The following ALDH1A2 variants were observed in gnomAD, a reference collection of about 807,000 sequenced individuals.
ALDH1A2 encodes retinal dehydrogenase 2.
In ALDH1A2, 27 loss-of-function variants were observed where a neutral mutation model predicts 60.3. That is an observed-to-expected ratio of 0.45 (90% CI 0.33 to 0.62). ALDH1A2 has a LOEUF of 0.62. Ranked by LOEUF, ALDH1A2 falls within the 20% of genes least tolerant of loss-of-function variation. ALDH1A2 has a pLI of 0.02. For missense variants in ALDH1A2, 581 were observed against 643.8 expected (o/e 0.90, Z 1.06); for synonymous variants, 289 against 232.4 (o/e 1.24, Z -2.21).
At chr15:57,964,109 G>C (rs1737137108) in intron 8 of ALDH1A2, 40 bp from the exon 9 acceptor site, 6 of 1,611,540 alleles carry the variant, frequency 3.7e-6, no homozygotes, top group Non-Finnish European at 4.2e-6. Context: ...GCTTTGCCTG[G>C]GGAGGGGCCT....
At chr15:58,008,517 T>C (rs1325952995) in intron 4 of ALDH1A2, among the ~76,000 whole-genome samples, 1 of 152,086 alleles carries the variant, frequency 6.6e-6, no homozygotes, top group Non-Finnish European at 1.5e-5. Context: ...CAATCAATAT[T>C]TAGCTTTATC....
At chr15:58,024,554 A>T (rs1302590343) in intron 1 of ALDH1A2, among the ~76,000 whole-genome samples, 1 of 152,216 alleles carries the variant, frequency 6.6e-6, no homozygotes, top group African/African-American at 2.4e-5. Flanking sequence ...TGGAGCACCC[A>T]GATTCATAGA....
chr15:58,030,686 G>A (rs1896213429), intron 1 of ALDH1A2, among the ~76,000 whole-genome samples: 1 of 152,124 alleles, frequency 6.6e-6, no homozygotes, highest in Non-Finnish European at 1.5e-5. Context: ...CTTCAGCATA[G>A]TCTCAGGATA....
Position 57,954,657 on chromosome 15 carries a change from T to G in ALDH1A2, c.*540A>C, listed in dbSNP as rs1268041091. 8 of 181,684 alleles carry G rather than the reference T, an allele frequency of 4.4e-5. No individual in the cohort carries two copies. The highest frequency in any genetic ancestry group is 1.6e-4 in the African/African-American group (7 of 42,636). The allele number at this position is 181,684 out of a possible 1,614,324, so 11.3% of individuals were successfully genotyped here. A position where few individuals can be genotyped will look rare whatever the true frequency, so the allele number is the denominator to read the frequency against. On this transcript the variant is annotated 3_prime_UTR_variant, in exon 13 of 13. Coordinates refer to ENST00000249750, the MANE Select transcript of ALDH1A2 (RefSeq NM_003888.4). ...TCTGGTCTGACTCTAGCTAAAACCA[T>G]TTCATGTTTTGCTTTGAAGAAATGG...
chr15:57,974,924 G>A (rs764868121), intron 7 of ALDH1A2, among the ~76,000 whole-genome samples: 2 of 152,222 alleles, frequency 1.3e-5, no homozygotes, highest in Non-Finnish European at 2.9e-5. Context: ...AAGATTTAAA[G>A]ATACTTCACC....
At chr15:58,051,953 A>C (rs1211550535) in intron 1 of ALDH1A2, among the ~76,000 whole-genome samples, 2 of 152,252 alleles carry the variant, frequency 1.3e-5, no homozygotes, top group African/African-American at 4.8e-5. Flanking sequence ...AGAAATGACA[A>C]CAAATATTTT....
chr15:57,959,288 TAAG>T (rs1362705587), intron 12 of ALDH1A2, among the ~76,000 whole-genome samples: 16 of 152,190 alleles, frequency 1.1e-4, no homozygotes, highest in African/African-American at 2.9e-4. Flanking sequence ...GGAAATGAAA[TAAG>T]AAGCGGAATG....
chr15:58,052,857 G>A (rs1896809606), intron 1 of ALDH1A2, among the ~76,000 whole-genome samples: 1 of 152,174 alleles, frequency 6.6e-6, no homozygotes, highest in Admixed American at 6.5e-5. Context: ...TGAAGCAGAA[G>A]AGTTTTCCAA....
At chr15:58,001,563 T>G (rs1895272754) in intron 4 of ALDH1A2, among the ~76,000 whole-genome samples, 1 of 151,924 alleles carries the variant, frequency 6.6e-6, no homozygotes, top group African/African-American at 2.4e-5. Context: ...TAATTCTCCC[T>G]CTCATCTATA....
At chr15:57,985,553 A>C (rs990800777) in intron 7 of ALDH1A2, among the ~76,000 whole-genome samples, 1 of 152,228 alleles carries the variant, frequency 6.6e-6, no homozygotes, top group African/African-American at 2.4e-5. Context: ...TGAAGTAAAA[A>C]ATAGTAAACC....
At chr15:58,054,761 A>C (rs570232713) in intron 1 of ALDH1A2, among the ~76,000 whole-genome samples, 1 of 152,320 alleles carries the variant, frequency 6.6e-6, no homozygotes, top group South Asian at 2.1e-4. Flanking sequence ...TTGAATGCAA[A>C]CAAAACAGAT....
intron 12 of ALDH1A2, among the ~76,000 whole-genome samples, chr15:57,957,508 A>G (rs1467124200): frequency 6.6e-6 from 1 of 152,134 alleles, no homozygotes; most frequent in Non-Finnish European, 1.5e-5. Context: ...ATATTTATTT[A>G]CTCCAGCTAA....
chr15:58,000,745 G>T (rs929350133), intron 4 of ALDH1A2, among the ~76,000 whole-genome samples: 3 of 151,784 alleles, frequency 2.0e-5, no homozygotes, highest in Non-Finnish European at 4.4e-5. Flanking sequence ...TGGAGATCTC[G>T]TGAATATACA....
chr15:57,975,822 G>C (rs369506717), intron 7 of ALDH1A2, among the ~76,000 whole-genome samples: 9 of 151,928 alleles, frequency 5.9e-5, no homozygotes, highest in African/African-American at 2.2e-4. Context: ...TGGGGGTGGG[G>C]GTGGAGAGAG....
intron 5 of ALDH1A2, 104 bp from the exon 6 acceptor site, chr15:57,993,177 A>T: frequency 7.2e-7 from 1 of 1,384,198 alleles, no homozygotes; most frequent in Non-Finnish European, 1.0e-6. Flanking sequence ...CTCGACATAA[A>T]TCTTGTCCAC....
chr15:58,002,038 AT>A (rs549619999), intron 4 of ALDH1A2, among the ~76,000 whole-genome samples: 1 of 151,868 alleles, frequency 6.6e-6, no homozygotes, highest in Non-Finnish European at 1.5e-5. Flanking sequence ...AGACTAACAG[AT>A]ATTGCTCTTA....
Position 57,962,303 on chromosome 15 carries a change from A to G in ALDH1A2, c.1087-127T>C, listed in dbSNP as rs1371413234. 11 of 1,185,422 alleles carry G rather than the reference A, an allele frequency of 9.3e-6. No individual in the cohort carries two copies. In the African/African-American group the frequency reaches 1.7e-4, roughly 18 times the overall value. 73.4% of individuals were successfully genotyped at this position (1,185,422 alleles called of 1,614,324 possible). A position where few individuals can be genotyped will look rare whatever the true frequency, so the allele number is the denominator to read the frequency against. On this transcript the variant is annotated intron_variant, in intron 9 of 12. Coordinates refer to ENST00000249750, the MANE Select transcript of ALDH1A2 (RefSeq NM_003888.4). ...TAACTACACCCAGTCAGATCATATA[A>G]AACTGCTGTTACTTACCAATTTTTG...
At chr15:58,037,036 A>C (rs1434572521) in intron 1 of ALDH1A2, among the ~76,000 whole-genome samples, 7 of 151,678 alleles carry the variant, frequency 4.6e-5, no homozygotes, top group African/African-American at 1.7e-4. Context: ...AACAAAGAAG[A>C]AAGAAATGGA....
chr15:57,982,691 C>T (rs1276152679), intron 7 of ALDH1A2, among the ~76,000 whole-genome samples: 1 of 152,176 alleles, frequency 6.6e-6, no homozygotes, highest in Non-Finnish European at 1.5e-5. Flanking sequence ...AAGCCATCTG[C>T]ATAGTTTTGT....
Sources: allele counts gnomAD v4.1 joint callset (sites outside exome capture counted in the v4.1 genomes callset), GRCh38; gene constraint gnomAD v4.1.1; transcripts MANE v1.5; gene names NCBI Gene and HGNC (gene_info 2026-07-23, HGNC 2026-07-21).